The following ATP9A variants were observed in gnomAD, a reference collection of about 807,000 sequenced individuals.
The protein encoded by ATP9A is ATPase phospholipid transporting 9A.
In ATP9A, 52 loss-of-function variants were observed where a neutral mutation model predicts 144.1. The ratio of observed to expected loss-of-function variants is 0.36; its 90% CI spans 0.29 to 0.45. The LOEUF is 0.45. ATP9A is among the 20% of genes least tolerant of loss of function. The pLI, the probability that ATP9A is intolerant of heterozygous loss-of-function variation, is 1.00. For missense variants in ATP9A, 947 were observed against 1,392.7 expected (o/e 0.68, Z 5.09); for synonymous variants, 582 against 557.4 (o/e 1.04, Z -0.62).
intron 11 of ATP9A, among the ~76,000 whole-genome samples, chr20:51,673,304 G>A (rs983094585): frequency 2.0e-5 from 3 of 152,120 alleles, no homozygotes; most frequent in African/African-American, 7.2e-5. Context: ...AACCCAGGAG[G>A]TGGAGGCTGC....
At chr20:51,659,764 AT>A (rs1260121907) in intron 13 of ATP9A, among the ~76,000 whole-genome samples, 13 of 152,324 alleles carry the variant, frequency 8.5e-5, no homozygotes, top group African/African-American at 3.1e-4. Context: ...CTTTCACTTA[AT>A]TTTTTAATAC....
intron 22 of ATP9A, among the ~76,000 whole-genome samples, chr20:51,615,695 G>A (rs554454626): frequency 5.1e-4 from 78 of 152,286 alleles, no homozygotes; most frequent in Non-Finnish European, 8.4e-4. Flanking sequence ...GAGTGCAGTG[G>A]CACAATCTCC....
At chr20:51,746,226 G>A (rs1395244621) in intron 1 of ATP9A, among the ~76,000 whole-genome samples, 1 of 152,318 alleles carries the variant, frequency 6.6e-6, no homozygotes, top group East Asian at 1.9e-4. Context: ...TAACTGTTGG[G>A]CACTGGGCTT....
At chr20:51,602,509 C>T (rs758451570) in intron 27 of ATP9A, among the ~76,000 whole-genome samples, 26 of 152,218 alleles carry the variant, frequency 1.7e-4, no homozygotes, top group Non-Finnish European at 2.9e-4. Flanking sequence ...TCTCACAAAA[C>T]GCTTTCTAGA....
intron 2 of ATP9A, among the ~76,000 whole-genome samples, chr20:51,726,950 G>A (rs1288380276): frequency 7.1e-6 from 1 of 141,824 alleles, no homozygotes; most frequent in Non-Finnish European, 1.5e-5. Context: ...TTAGGAGGAG[G>A]TTTTTGCGGA....
intron 10 of ATP9A, among the ~76,000 whole-genome samples, chr20:51,674,558 C>T (rs2077469393): frequency 6.6e-6 from 1 of 152,112 alleles, no homozygotes; most frequent in South Asian, 2.1e-4. Flanking sequence ...TCCAAGGGAA[C>T]TCAAAGAATT....
intron 3 of ATP9A, among the ~76,000 whole-genome samples, chr20:51,724,626 T>C (rs79237572): frequency 0.068 from 10,299 of 152,284 alleles, 798 homozygotes; most frequent in African/African-American, 0.19. Flanking sequence ...TGTCTATCCC[T>C]TCTGAATGTC....
Position 51,696,086 on chromosome 20 carries a change from T to A in ATP9A, c.547+7A>T. The A allele has an allele frequency of 6.2e-7, 1 of 1,611,744 alleles. No individual in the cohort carries two copies. The highest frequency in any genetic ancestry group is 1.1e-5 in the South Asian group (1 of 91,016). On this transcript the variant is annotated splice_region_variant and intron_variant, in intron 6 of 27. Transcript: ENST00000338821. ...GGTTATTTTCCAAATTGATCTCAGA[T>A]GTTTACCGTTTTTTTCTGATGTCCT...
At chr20:51,696,225 C>A in intron 5 of ATP9A, 81 bp from the exon 6 acceptor site, 1 of 1,320,938 alleles carries the variant, frequency 7.6e-7, no homozygotes, top group Non-Finnish European at 1.1e-6. Context: ...CCGCCCCCAC[C>A]CCCAACCCCT....
chr20:51,660,921 T>C (rs6126284), intron 13 of ATP9A, among the ~76,000 whole-genome samples: 36,025 of 152,194 alleles, frequency 0.24, 5,073 homozygotes, highest in East Asian at 0.5. Flanking sequence ...ATGACTCTTT[T>C]TGCCCTGGGG....
In ATP9A at chr20:51,611,120, G is replaced by T. The variant is rs1289782232; in HGVS notation, c.2572-955C>A. Among the ~76,000 whole-genome samples the T allele has an allele frequency of 6.6e-6, 1 of 152,188 alleles. No individual in the cohort carries two copies. Among genetic ancestry groups the T allele is most frequent in the African/African-American group, 2.4e-5 (1 of 41,456 alleles). Reference sequence around the variant, plus strand: ...AATGCTGCCTGAAAGCTTTTAGAAAGCAGAAGAAAGCAAGGCAGAGATACC... The same window carrying T: ...AATGCTGCCTGAAAGCTTTTAGAAATCAGAAGAAAGCAAGGCAGAGATACC... On this transcript the variant is annotated intron_variant, in intron 23 of 27. Coordinates refer to ENST00000338821, the MANE Select transcript of ATP9A (RefSeq NM_006045.3). This position sits in a 1 kb window ranked among gnomAD's most constrained non-coding sequence, Gnocchi z 4.2.
At chr20:51,732,372 C>T (rs1283806653) in intron 1 of ATP9A, 27 of 152,580 alleles carry the variant, frequency 1.8e-4, no homozygotes, top group Admixed American at 1.7e-3. Context: ...AAACCAACAA[C>T]TCACATATTA....
intron 1 of ATP9A, among the ~76,000 whole-genome samples, chr20:51,736,100 C>A (rs1380040561): frequency 6.6e-6 from 1 of 152,194 alleles, no homozygotes; most frequent in Non-Finnish European, 1.5e-5. Context: ...TGCCATGCAC[C>A]CATACAAGGA....
chr20:51,642,763 A>C (rs1012418439), intron 14 of ATP9A, among the ~76,000 whole-genome samples: 8 of 139,948 alleles, frequency 5.7e-5, no homozygotes, highest in South Asian at 2.3e-4. Flanking sequence ...AAAAAAAAAA[A>C]ACCTGGCGTT....
Position 51,674,168 on chromosome 20 carries a change from T to A in ATP9A, c.1022A>T (p.Asn341Ile), listed in dbSNP as rs753098718. ...GCCTGCTTACCTAATGGGGATGATG[T>A]TGGAAAACAAGAGGAGGAAGCGGAT... is the stretch of plus-strand genomic sequence containing the variant. ...QIIRFLLLFSNIIPISLRVNL... is the reference protein window; with the variant it reads ...QIIRFLLLFSIIIPISLRVNL... Residue 341 changes from asparagine to isoleucine, a missense_variant, in exon 11 of 28, where the codon AAC becomes ATC. Transcript: ENST00000338821. 3.1e-6 allele frequency: 5 copies of A among 1,612,944 alleles called. No individual in the cohort carries two copies. The highest frequency in any genetic ancestry group is 4.2e-6 in the Non-Finnish European group (5 of 1,179,698).
intron 13 of ATP9A, among the ~76,000 whole-genome samples, chr20:51,666,558 G>A (rs1483970467): frequency 1.3e-5 from 2 of 151,952 alleles, no homozygotes; most frequent in African/African-American, 2.4e-5. Context: ...GCAGGTGCCT[G>A]TAATCCCAGC....
At chr20:51,675,953 GTA>G (rs1195098743) in intron 10 of ATP9A, among the ~76,000 whole-genome samples, 177 bp downstream of exon 10, 1 of 150,880 alleles carries the variant, frequency 6.6e-6, no homozygotes, top group Non-Finnish European at 1.5e-5. Flanking sequence ...TTTACGTACT[GTA>G]TTATATATGT....
In ATP9A at chr20:51,604,915, G is replaced by A. The variant is rs772454252; in HGVS notation, c.2909C>T (p.Ala970Val). ...CCAGTGCCAGGTCTGGATGGTCAGC[G>A]CCACCATGAGCAGCTCGGTGAGGAT... ...SLILTELLMV[A>V]LTIQTWHWLM... The change falls in exon 27 of 28, where the codon GCG becomes GTG. Residue 970 changes from alanine to valine, a missense_variant. Transcript: ENST00000338821. The A allele has an allele frequency of 2.5e-6, 4 of 1,612,070 alleles. No homozygotes were observed. The highest frequency in any genetic ancestry group is 1.1e-5 in the South Asian group (1 of 90,824).
At chr20:51,671,602 A>T (rs972480898) in intron 11 of ATP9A, among the ~76,000 whole-genome samples, 1 of 152,160 alleles carries the variant, frequency 6.6e-6, no homozygotes, top group African/African-American at 2.4e-5. Context: ...TAAAATATAC[A>T]TAACAGGAAA....
Sources: allele counts gnomAD v4.1 joint callset (sites outside exome capture counted in the v4.1 genomes callset), GRCh38; gene constraint gnomAD v4.1.1; non-coding constraint Gnocchi (gnomAD v3.1); transcripts MANE v1.5; gene names NCBI Gene and HGNC (gene_info 2026-07-23, HGNC 2026-07-21).